Variants in SLC44A5 observed in about 807,000 individuals in gnomAD.
SLC44A5 encodes the protein choline transporter-like protein 5.
A neutral mutation model predicts 101.8 loss-of-function variants in SLC44A5; 57 were observed. The observed-to-expected ratio is 0.56, with a 90% CI of 0.45 to 0.70. The LOEUF is 0.70. SLC44A5 is among the 30% of genes least tolerant of loss of function. The probability of loss-of-function intolerance (pLI) is 0.00; values close to 1 mark genes in which losing one functional copy is unlikely to be tolerated. For synonymous variants in SLC44A5, 281 were observed against 290.9 expected, an observed-to-expected ratio of 0.97 and a Z score of 0.35; for missense variants, 737 against 853.1, an observed-to-expected ratio of 0.86 and a Z score of 1.70.
At chr1:75,721,439 A>G in the SLC44A5 span, among the ~76,000 whole-genome samples, 2 of 152,220 alleles carry the variant, frequency 1.3e-5, no homozygotes, top group Non-Finnish European at 2.9e-5. Flanking sequence ...ATCAGTTAAC[A>G]TTAGTGTTAG....
intron 2 of SLC44A5, among the ~76,000 whole-genome samples, chr1:75,520,951 G>T (rs1670085010): frequency 6.7e-6 from 1 of 148,666 alleles, no homozygotes. Flanking sequence ...AAAGGTCAAG[G>T]GTTTTTTTTA....
intron 13 of SLC44A5, 114 bp from the exon 14 acceptor site, chr1:75,222,574 A>C: frequency 3.2e-6 from 2 of 626,630 alleles, no homozygotes; most frequent in Non-Finnish European, 5.7e-6. Flanking sequence ...CTGACACCTC[A>C]TAATCTAAGA....
intron 14 of SLC44A5, among the ~76,000 whole-genome samples, chr1:75,221,594 C>A (rs190143978): frequency 6.6e-6 from 1 of 152,108 alleles, no homozygotes; most frequent in African/African-American, 2.4e-5. Context: ...GTCACTCAGA[C>A]AGAAGTGGCA....
chr1:75,388,692 T>C (rs1031110858), intron 3 of SLC44A5, among the ~76,000 whole-genome samples: 15 of 151,306 alleles, frequency 9.9e-5, no homozygotes, highest in African/African-American at 3.6e-4. Context: ...GGCAGGAGAA[T>C]GGCATGAACC....
At chr1:75,708,501 T>C in the SLC44A5 span, among the ~76,000 whole-genome samples, 95 of 149,656 alleles carry the variant, frequency 6.3e-4, 2 homozygotes, top group South Asian at 6.9e-3. Flanking sequence ...AAGAAATAAC[T>C]GGATAAGTAC....
intron 5 of SLC44A5, among the ~76,000 whole-genome samples, chr1:75,277,607 A>G (rs1415744887): frequency 6.6e-6 from 1 of 152,100 alleles, no homozygotes; most frequent in African/African-American, 2.4e-5. Context: ...CAAAATGTTC[A>G]TAATGTAGGA....
intron 4 of SLC44A5, among the ~76,000 whole-genome samples, chr1:75,323,020 C>G (rs7528301): frequency 0.094 from 14,147 of 150,620 alleles, 2,181 homozygotes; most frequent in African/African-American, 0.32. Context: ...ATACATGTGC[C>G]ATGCTGGTGC....
At chr1:75,266,829 C>T (rs530467993) in intron 6 of SLC44A5, among the ~76,000 whole-genome samples, 1 of 152,052 alleles carries the variant, frequency 6.6e-6, no homozygotes, top group Admixed American at 6.6e-5. Context: ...GGGCCCAGCC[C>T]GGGAAGATAA....
chr1:75,544,157 T>C (rs1671514375), intron 1 of SLC44A5, among the ~76,000 whole-genome samples: 1 of 152,138 alleles, frequency 6.6e-6, no homozygotes, highest in Non-Finnish European at 1.5e-5. Flanking sequence ...ATTAATGCTG[T>C]TATCAAGGGC....
chr1:75,520,456 C>T (rs1022146022), intron 2 of SLC44A5, among the ~76,000 whole-genome samples: 5 of 152,130 alleles, frequency 3.3e-5, no homozygotes, highest in Non-Finnish European at 5.9e-5. Flanking sequence ...TAATAATGGG[C>T]TTCCCTATTA....
At chr1:75,565,378 A>G (rs983945326) in intron 1 of SLC44A5, among the ~76,000 whole-genome samples, 3 of 152,224 alleles carry the variant, frequency 2.0e-5, no homozygotes, top group Non-Finnish European at 4.4e-5. Context: ...GGTAAAACGA[A>G]AAATTCAGCT....
chr1:75,274,885 A>G, intron 6 of SLC44A5, 73 bp downstream of exon 6: 1 of 1,167,372 alleles, frequency 8.6e-7, no homozygotes, highest in Non-Finnish European at 1.3e-6. Flanking sequence ...GTCTGGTAGG[A>G]TTACTGTAAA....
chr1:75,256,528 T>A (rs541743129), intron 6 of SLC44A5, among the ~76,000 whole-genome samples: 1 of 152,176 alleles, frequency 6.6e-6, no homozygotes, highest in Admixed American at 6.5e-5. Flanking sequence ...GTGAATACAG[T>A]TTGTAGAGTT....
intron 18 of SLC44A5, among the ~76,000 whole-genome samples, chr1:75,217,333 G>C (rs1234651919): frequency 2.0e-5 from 3 of 151,984 alleles, no homozygotes; most frequent in Admixed American, 1.3e-4. Flanking sequence ...TTTATGATAA[G>C]TTTTGAAATC....
intron 3 of SLC44A5, among the ~76,000 whole-genome samples, chr1:75,375,078 A>T (rs1660488206): frequency 6.6e-6 from 1 of 152,234 alleles, no homozygotes; most frequent in Non-Finnish European, 1.5e-5. Flanking sequence ...AACGAGATTC[A>T]AGAGAAAATT....
chr1:75,691,058 A>G, the SLC44A5 span, among the ~76,000 whole-genome samples: 2 of 151,970 alleles, frequency 1.3e-5, no homozygotes, highest in South Asian at 2.1e-4. Context: ...TCTTGAATAC[A>G]CATGCACCCC....
At chr1:75,393,267 A>G (rs760897015) in intron 3 of SLC44A5, among the ~76,000 whole-genome samples, 86 of 152,196 alleles carry the variant, frequency 5.7e-4, no homozygotes, top group Non-Finnish European at 2.9e-4. Context: ...AGCCATCTCA[A>G]CTTTCTTTGA....
chr1:75,527,733 T>C (rs1670500160), intron 2 of SLC44A5, among the ~76,000 whole-genome samples: 1 of 152,160 alleles, frequency 6.6e-6, no homozygotes, highest in South Asian at 2.1e-4. Flanking sequence ...AAAAAAATCA[T>C]TTAATTTTAC....
chr1:75,365,328 T>C (rs1659780364), intron 3 of SLC44A5, among the ~76,000 whole-genome samples: 1 of 152,194 alleles, frequency 6.6e-6, no homozygotes, highest in Non-Finnish European at 1.5e-5. Context: ...TCCAACCCTC[T>C]GCCCTCTGGT....
Sources: gnomAD v4.1 joint callset for allele counts (sites outside exome capture counted in the v4.1 genomes callset) on GRCh38, gnomAD v4.1.1 for gene constraint, MANE v1.5 for transcripts, NCBI Gene and HGNC (gene_info 2026-07-23, HGNC 2026-07-21) for gene names.